The following TWIST2 variants were observed in gnomAD, a reference collection of about 807,000 sequenced individuals.
TWIST2 encodes twist family bHLH transcription factor 2.
TWIST2 carries 1 observed loss-of-function variant against 11.6 expected under a neutral mutation model. That is an observed-to-expected ratio of 0.09 (90% CI 0.03 to 0.41). The LOEUF (loss-of-function observed/expected upper bound fraction) is 0.41, where lower values mean the gene tolerates loss of function less well. Ranked by LOEUF, TWIST2 falls within the 10% of genes least tolerant of loss-of-function variation. The pLI is 0.98. For synonymous variants in TWIST2, 87 were observed against 96.6 expected (o/e 0.90, Z 0.58); for missense variants, 168 against 226.4 (o/e 0.74, Z 1.66).
chr2:238,863,318 G>T lies in TWIST2; in HGVS notation c.*35+14585G>T, dbSNP rs762021647. ...AAGTAATACAAAAGAGTGGCCTTCA[G>T]AATATATTTTTGTATCTTCTGCAAT... is the stretch of plus-strand genomic sequence containing the variant. On this transcript the variant is annotated intron_variant, in intron 1 of 1. Transcript: ENST00000612363. The surrounding 1 kb of genome is among the most constrained non-coding windows in gnomAD (Gnocchi z 4.7). Among the ~76,000 whole-genome samples, 44 of 152,286 alleles carry T rather than the reference G, an allele frequency of 2.9e-4. No homozygotes were observed. Among genetic ancestry groups the T allele is most frequent in the Non-Finnish European group, 2.8e-4 (19 of 68,030 alleles).
At chr2:238,856,842 C>G (rs981572290) in intron 1 of TWIST2, among the ~76,000 whole-genome samples, 11 of 152,174 alleles carry the variant, frequency 7.2e-5, no homozygotes, top group Non-Finnish European at 1.3e-4. Flanking sequence ...AGGGCCCCTC[C>G]ACACTGCTGC....
intron 1 of TWIST2, among the ~76,000 whole-genome samples, chr2:238,879,510 A>G (rs1447917816): frequency 1.3e-5 from 2 of 152,158 alleles, no homozygotes; most frequent in East Asian, 3.8e-4. Context: ...ACCACTCCTT[A>G]GGGTCACTTG....
intron 1 of TWIST2, among the ~76,000 whole-genome samples, chr2:238,895,648 C>T (rs1693197620): frequency 6.6e-6 from 1 of 152,182 alleles, no homozygotes; most frequent in Non-Finnish European, 1.5e-5. Flanking sequence ...TCCCAGGACA[C>T]TCATCGTGGG....
At chr2:238,876,625 AT>A (rs1276587113) in intron 1 of TWIST2, among the ~76,000 whole-genome samples, 1 of 152,232 alleles carries the variant, frequency 6.6e-6, no homozygotes, top group African/African-American at 2.4e-5. Flanking sequence ...CTTAGATTAA[AT>A]TCTAGATAAA....
intron 1 of TWIST2, among the ~76,000 whole-genome samples, chr2:238,848,943 G>A (rs962322001): frequency 6.6e-6 from 1 of 152,128 alleles, no homozygotes; most frequent in Non-Finnish European, 1.5e-5. Flanking sequence ...TCCACGCGAG[G>A]GTGTCAGTTG....
At chr2:238,896,168 C>T (rs1007099928) in intron 1 of TWIST2, among the ~76,000 whole-genome samples, 59 of 152,240 alleles carry the variant, frequency 3.9e-4, no homozygotes, top group African/African-American at 1.3e-3. Context: ...GGCGGGGATC[C>T]GGAAGACGGC....
chr2:238,864,146 A>G lies in TWIST2; in HGVS notation c.*35+15413A>G, dbSNP rs1018680403. Among the ~76,000 whole-genome samples the G allele has an allele frequency of 1.3e-5, 2 of 151,874 alleles. No individual in the cohort carries two copies. The highest frequency in any genetic ancestry group is 2.9e-5 in the Non-Finnish European group (2 of 68,000). On this transcript the variant is annotated intron_variant, in intron 1 of 1. Coordinates refer to ENST00000612363, the MANE Select transcript of TWIST2 (RefSeq NM_001271893.4). This position sits in a 1 kb window ranked among gnomAD's most constrained non-coding sequence, Gnocchi z 4.7. The stretch of plus-strand genomic sequence containing the variant: ...AGATGACCAAATCCTTTTCGGAGAG[A>G]TGACTGAAATATTTGTAAGTTTCCA...
rs190660509 is a variant in TWIST2 at position 238,864,912 on chromosome 2, G to A, written c.*35+16179G>A. On this transcript the variant is annotated intron_variant, in intron 1 of 1. Coordinates refer to ENST00000612363, the MANE Select transcript of TWIST2 (RefSeq NM_001271893.4). This position sits in a 1 kb window ranked among gnomAD's most constrained non-coding sequence, Gnocchi z 4.7. ...AGATCCGCCAGGAGCAGAGAGCTCC[G>A]GAAGGCCTGCCGGGAGGACCTGGAG... Among the ~76,000 whole-genome samples the A allele has an allele frequency of 2.8e-4, 43 of 152,282 alleles. No individual in the cohort carries two copies. In the East Asian group the frequency reaches 4.9e-3, roughly 17 times the overall value.
intron 1 of TWIST2, among the ~76,000 whole-genome samples, chr2:238,906,361 C>T (rs1021634532): frequency 9.2e-5 from 14 of 152,056 alleles, no homozygotes; most frequent in Non-Finnish European, 1.9e-4. Flanking sequence ...CACGGACCCA[C>T]TCACGTGGAT....
At chr2:238,851,968 T>C (rs1338018082) in intron 1 of TWIST2, among the ~76,000 whole-genome samples, 1 of 152,190 alleles carries the variant, frequency 6.6e-6, no homozygotes, top group African/African-American at 2.4e-5. Flanking sequence ...TTCCTCAGAC[T>C]TCAGTGGCTC....
At chr2:238,892,262 GAGGTCC>G (rs1293780348) in intron 1 of TWIST2, among the ~76,000 whole-genome samples, 1 of 152,210 alleles carries the variant, frequency 6.6e-6, no homozygotes, top group Non-Finnish European at 1.5e-5. Flanking sequence ...GAGAGAAACA[GAGGTCC>G]AGGTGGAAAT....
At chr2:238,899,115 G>T (rs1301954890) in intron 1 of TWIST2, among the ~76,000 whole-genome samples, 2 of 152,338 alleles carry the variant, frequency 1.3e-5, no homozygotes, top group East Asian at 3.9e-4. Flanking sequence ...TCATCTATCC[G>T]GTCCTGGCCT....
In TWIST2 at chr2:238,848,089, A is replaced by T; in HGVS notation, c.-127A>T. ...TCTCCCGGAGACCTCGGTTTTGCAC[A>T]AGCCGGCCTTGAAATCAGAGCCTTT... is the stretch of plus-strand genomic sequence containing the variant. On this transcript the variant is annotated 5_prime_UTR_variant, in exon 1 of 2. Coordinates refer to ENST00000612363, the MANE Select transcript of TWIST2 (RefSeq NM_001271893.4). 3.8e-6 allele frequency: 3 copies of T among 780,474 alleles called. No individual in the cohort carries two copies. Among genetic ancestry groups the T allele is most frequent in the Non-Finnish European group, 4.9e-6 (3 of 608,834 alleles). 48.3% of individuals were successfully genotyped at this position (780,474 alleles called of 1,614,324 possible).
intron 1 of TWIST2, among the ~76,000 whole-genome samples, chr2:238,895,011 A>T (rs1693190983): frequency 6.6e-6 from 1 of 152,086 alleles, no homozygotes; most frequent in Non-Finnish European, 1.5e-5. Context: ...TCCCCATATG[A>T]ACTGTGAGCT....
chr2:238,878,666 A>C (rs1249762687), intron 1 of TWIST2, among the ~76,000 whole-genome samples: 1 of 152,240 alleles, frequency 6.6e-6, no homozygotes, highest in Non-Finnish European at 1.5e-5. Flanking sequence ...TTATTCCTCC[A>C]GGAGGTAACG....
chr2:238,902,801 G>T (rs1693289494), intron 1 of TWIST2, among the ~76,000 whole-genome samples: 1 of 143,882 alleles, frequency 7.0e-6, no homozygotes, highest in Non-Finnish European at 1.5e-5. Flanking sequence ...GTTGTGATGT[G>T]TGAGGTGTGT....
chr2:238,855,947 CCAGAA>C (rs919363328), intron 1 of TWIST2, among the ~76,000 whole-genome samples: 14 of 152,164 alleles, frequency 9.2e-5, no homozygotes, highest in African/African-American at 2.9e-4. Flanking sequence ...TTCACTGATA[CCAGAA>C]CAGGAGTGCT....
chr2:238,905,891 A>G (rs1430026434), intron 1 of TWIST2, among the ~76,000 whole-genome samples: 86,893 of 149,618 alleles, frequency 0.58, 26,282 homozygotes, highest in African/African-American at 0.78. Context: ...ATGTGCGCGC[A>G]TGCGCGTGTG....
At chr2:238,888,578 G>A (rs529631642) in intron 1 of TWIST2, among the ~76,000 whole-genome samples, 1 of 152,316 alleles carries the variant, frequency 6.6e-6, no homozygotes, top group South Asian at 2.1e-4. Context: ...AGGATGTTGA[G>A]ATGAAGTTTA....
Sources: gnomAD v4.1 joint callset for allele counts (sites outside exome capture counted in the v4.1 genomes callset) on GRCh38, gnomAD v4.1.1 for gene constraint, Gnocchi (gnomAD v3.1) non-coding constraint, MANE v1.5 for transcripts, NCBI Gene and HGNC (gene_info 2026-07-23, HGNC 2026-07-21) for gene names.